Variants in C13orf46 observed in about 807,000 individuals in gnomAD.
The protein encoded by C13orf46 is uncharacterized protein C13orf46.
the C13orf46 span, among the ~76,000 whole-genome samples, chr13:113,939,904 T>A: frequency 6.6e-6 from 1 of 152,140 alleles, no homozygotes; most frequent in Non-Finnish European, 1.5e-5. Flanking sequence ...CTGGCCTGGG[T>A]CATCAAGAAA....
chr13:113,933,917 T>C, the C13orf46 span, among the ~76,000 whole-genome samples: 50 of 152,256 alleles, frequency 3.3e-4, no homozygotes, highest in East Asian at 5.6e-3. Flanking sequence ...TTGGACATCC[T>C]AGGTTTCCGT....
At chr13:113,949,135 A>G (rs1464790752), downstream of C13orf46, among the ~76,000 whole-genome samples, 1 of 152,238 alleles carries the variant, frequency 6.6e-6, no homozygotes, top group Non-Finnish European at 1.5e-5. Flanking sequence ...AGGCCTAGAT[A>G]AAAACTTTTG....
intron 6 of C13orf46, among the ~76,000 whole-genome samples, chr13:113,959,308 G>C (rs1393508273): frequency 6.6e-6 from 1 of 152,186 alleles, no homozygotes; most frequent in Non-Finnish European, 1.5e-5. Context: ...AGAAATGGAT[G>C]TGTGAGGCTG....
the C13orf46 span, chr13:113,927,354 C>T: frequency 5.1e-6 from 2 of 392,970 alleles, no homozygotes; most frequent in Non-Finnish European, 9.0e-6. Flanking sequence ...AGCCAAGTTC[C>T]ACTTGCTGCA....
chr13:113,945,327 C>G, the C13orf46 span, among the ~76,000 whole-genome samples: 18 of 152,070 alleles, frequency 1.2e-4, no homozygotes, highest in African/African-American at 4.1e-4. Flanking sequence ...AGGCGGATCA[C>G]GAGGTCAGGA....
At chr13:113,971,028 A>G (rs1362811693) in intron 1 of C13orf46, among the ~76,000 whole-genome samples, 1 of 152,184 alleles carries the variant, frequency 6.6e-6, no homozygotes, top group Non-Finnish European at 1.5e-5. Flanking sequence ...GCAAACCAGC[A>G]CAGCCTTGTG....
rs1415744343 is a variant in C13orf46 at position 113,965,794 on chromosome 13, ATGG to A, written c.505-803_505-801del. On this transcript the variant is annotated intron_variant, in intron 5 of 6. Coordinates refer to ENST00000636427, the MANE Select transcript of C13orf46 (RefSeq NM_001365455.2). ...GGTGATGGTGATGATGGTAATTATA[ATGG>A]TGGTGATGATGGTGAAGGTGATGAT... 5.0e-3 allele frequency among the ~76,000 whole-genome samples: 710 copies of A among 142,992 alleles called. 10 individuals are homozygous for A. Among genetic ancestry groups the A allele is most frequent in the African/African-American group, 0.019 (668 of 35,492 alleles). The allele number at this position is 142,992 out of a possible 152,430, so 93.8% of individuals were successfully genotyped here.
At position 113,972,972 on chromosome 13, in the gene C13orf46, T is replaced by A. The variant is rs541851590; in HGVS notation, c.190+836A>T. Among the ~76,000 whole-genome samples, 3 of 152,280 alleles carry A rather than the reference T, an allele frequency of 2.0e-5. No homozygotes were observed. The South Asian group carries it at 6.2e-4, about 32-fold the overall frequency. ...AGCAGCCCTGGGTGGGTTACGGGTG[T>A]GGACCTGGAGTGCTCCCCACTTCCA... On this transcript the variant is annotated intron_variant, in intron 1 of 6. Transcript: ENST00000636427.
chr13:113,967,627 T>C (rs2052663220), intron 4 of C13orf46, among the ~76,000 whole-genome samples: 1 of 152,108 alleles, frequency 6.6e-6, no homozygotes, highest in African/African-American at 2.4e-5. Context: ...AGGAGGGATA[T>C]GGCTTTCTCA....
At position 113,963,917 on chromosome 13, in the gene C13orf46, C is replaced by T. The variant is rs1027048652; in HGVS notation, c.572+1010G>A. On this transcript the variant is annotated intron_variant, in intron 6 of 6. Coordinates refer to ENST00000636427, the MANE Select transcript of C13orf46 (RefSeq NM_001365455.2). ...CCAGGCTGGAGTGCAGTGGTGCTAT[C>T]TCGGTTCACCGCAACCTCCGCCTCC... 9.2e-5 allele frequency among the ~76,000 whole-genome samples: 14 copies of T among 152,328 alleles called. No individual in the cohort carries two copies. The South Asian group carries it at 2.5e-3, about 27-fold the overall frequency.
chr13:113,962,826 A>G lies in C13orf46; in HGVS notation c.572+2101T>C, dbSNP rs1187110454. On this transcript the variant is annotated intron_variant, in intron 6 of 6. Coordinates refer to ENST00000636427, the MANE Select transcript of C13orf46 (RefSeq NM_001365455.2). The stretch of plus-strand genomic sequence containing the variant: ...AAATCCATCATCAGGAAACGATGAG[A>G]AAAATAGAGCTGTACTTGGAAAATA... Among the ~76,000 whole-genome samples, 6 of 152,288 alleles carry G rather than the reference A, an allele frequency of 3.9e-5. No homozygotes were observed. In the South Asian group the frequency reaches 1.2e-3, roughly 32 times the overall value.
chr13:113,951,751 A>C (rs1465138324), downstream of C13orf46, among the ~76,000 whole-genome samples: 1 of 152,132 alleles, frequency 6.6e-6, no homozygotes, highest in Non-Finnish European at 1.5e-5. Context: ...TCCCATTTCA[A>C]AGTGGTTGCC....
chr13:113,964,009 C>G (rs2052613961), intron 6 of C13orf46, among the ~76,000 whole-genome samples: 1 of 152,102 alleles, frequency 6.6e-6, no homozygotes, highest in African/African-American at 2.4e-5. Context: ...TGTCACCACG[C>G]CCAGCTAATT....
chr13:113,964,674 G>A (rs1433849874), intron 6 of C13orf46, among the ~76,000 whole-genome samples: 5 of 152,156 alleles, frequency 3.3e-5, no homozygotes, highest in Admixed American at 3.3e-4. Context: ...TAGGAGACAC[G>A]GCCTGGTTAT....
Position 113,955,535 on chromosome 13 carries a change from CG to C in C13orf46, c.*1237del, listed in dbSNP as rs2052520344. 64 of 111,542 alleles carry C rather than the reference CG, an allele frequency of 5.7e-4. No individual in the cohort carries two copies. The highest frequency in any genetic ancestry group is 2.8e-4 in the East Asian group (1 of 3,578). 6.9% of individuals were successfully genotyped at this position (111,542 alleles called of 1,614,324 possible). ...GGAGCGGAGGAGCATCTGGCGGAGACGAGGAGCATCTCGTGGAGAGGAGGAG... is the reference window on the plus strand; with the variant it reads ...GGAGCGGAGGAGCATCTGGCGGAGACAGGAGCATCTCGTGGAGAGGAGGAG... On this transcript the variant is annotated 3_prime_UTR_variant, in exon 7 of 7. Transcript: ENST00000636427.
rs1232542480 is a variant in C13orf46 at position 113,954,671 on chromosome 13, C to G, written c.*2102G>C. 1 of 155,382 alleles carries G rather than the reference C, an allele frequency of 6.4e-6. No individual in the cohort carries two copies. The highest frequency in any genetic ancestry group is 1.9e-4 in the East Asian group (1 of 5,246). 9.6% of individuals were successfully genotyped at this position (155,382 alleles called of 1,614,324 possible). ...GTGCTTCCAGGAGCTGCAGCTCACA[C>G]GAGGCCCACAAAGGGCTGAGCCTCC... On this transcript the variant is annotated 3_prime_UTR_variant, in exon 7 of 7. Transcript: ENST00000636427.
downstream of C13orf46, among the ~76,000 whole-genome samples, chr13:113,952,401 G>T (rs925039523): frequency 3.9e-5 from 6 of 152,072 alleles, no homozygotes; most frequent in Non-Finnish European, 8.8e-5. Context: ...GCCCAGGGCC[G>T]CTGTGTGGCC....
the C13orf46 span, among the ~76,000 whole-genome samples, chr13:113,940,030 G>A: frequency 2.6e-5 from 4 of 152,316 alleles, no homozygotes; most frequent in Admixed American, 6.5e-5. Flanking sequence ...GGTGGCAGCC[G>A]TGATCAGGGG....
intron 6 of C13orf46, among the ~76,000 whole-genome samples, chr13:113,963,567 CCTCG>C (rs2052609261): frequency 6.9e-6 from 1 of 144,924 alleles, no homozygotes; most frequent in South Asian, 2.2e-4. Context: ...CAGTCCTCAG[CCTCG>C]CCCCTGTCCT....
Sources: gnomAD v4.1 joint callset for allele counts (sites outside exome capture counted in the v4.1 genomes callset) on GRCh38, gnomAD v4.1.1 for gene constraint, MANE v1.5 for transcripts, NCBI Gene and HGNC (gene_info 2026-07-23, HGNC 2026-07-21) for gene names.